The following UNC13A variants were observed in gnomAD, a reference collection of about 807,000 sequenced individuals.
The protein encoded by UNC13A is protein unc-13 homolog A.
A neutral mutation model predicts 219.7 loss-of-function variants in UNC13A; 61 were observed. The observed-to-expected ratio is 0.28, with a 90% CI of 0.23 to 0.34. The LOEUF is 0.34. Among genes scored for constraint, UNC13A ranks in the 10% least tolerant of loss-of-function variants. The pLI is 1.00. For missense variants in UNC13A, 1,476 were observed against 2,270.3 expected, an observed-to-expected ratio of 0.65 and a Z score of 7.11; for synonymous variants, 920 against 884.6, an observed-to-expected ratio of 1.04 and a Z score of -0.71.
chr19:17,638,968 A>T (rs931411495), intron 25 of UNC13A, 115 bp downstream of exon 25: 7 of 1,243,196 alleles, frequency 5.6e-6, no homozygotes, highest in Admixed American at 3.0e-5. Context: ...CCCATTTTAT[A>T]GAAGAAGATA....
Position 17,655,375 on chromosome 19 carries a change from G to A in UNC13A, c.1291C>T (p.Pro431Ser), listed in dbSNP as rs1210403486. 1 of 1,578,638 alleles carries A rather than the reference G, an allele frequency of 6.3e-7. No individual in the cohort carries two copies. Among genetic ancestry groups the A allele is most frequent in the Non-Finnish European group, 8.6e-7 (1 of 1,162,680 alleles). The stretch of plus-strand genomic sequence containing the variant: ...TCCTGGCCTTCCTCATCCTCTCTCG[G>A]CCTGAAACTGAGGCAGGGAACGCTA... ...EPPKDEESFR[P>S]REDEEGQEGQ... The change falls in exon 11 of 44, where the codon CCG becomes TCG. Residue 431 changes from proline to serine, a missense_variant. By Grantham distance (74) the Pro-to-Ser change is moderately conservative. Coordinates refer to ENST00000519716, the MANE Select transcript of UNC13A (RefSeq NM_001080421.3).
At chr19:17,673,412 T>G (rs10403209) in intron 3 of UNC13A, among the ~76,000 whole-genome samples, 13,792 of 141,556 alleles carry the variant, frequency 0.097, 2,185 homozygotes, top group African/African-American at 0.34. Context: ...TTGGCTGGGA[T>G]TGGTGGCTCC....
intron 42 of UNC13A, among the ~76,000 whole-genome samples, chr19:17,610,435 C>T (rs894517806): frequency 2.0e-5 from 3 of 152,100 alleles, no homozygotes. Context: ...CACTGCACTC[C>T]AGCCTGTGTG....
At chr19:17,659,470 T>G (rs538109488) in intron 8 of UNC13A, among the ~76,000 whole-genome samples, 124 of 150,734 alleles carry the variant, frequency 8.2e-4, no homozygotes, top group African/African-American at 2.9e-3. Context: ...AAAAGTAAAG[T>G]AAAACCTAGT....
intron 38 of UNC13A, among the ~76,000 whole-genome samples, chr19:17,620,474 A>G (rs1202034821): frequency 6.6e-6 from 1 of 152,042 alleles, no homozygotes; most frequent in Admixed American, 6.6e-5. Context: ...GTAGTCTGGC[A>G]GGGCTCAGGG....
intron 35 of UNC13A, among the ~76,000 whole-genome samples, chr19:17,623,870 C>A (rs2076755582): frequency 6.6e-6 from 1 of 152,174 alleles, no homozygotes; most frequent in Admixed American, 6.5e-5. Context: ...CCAGCTACAT[C>A]CCTCTACAGA....
intron 41 of UNC13A, 108 bp downstream of exon 41, chr19:17,617,594 G>GC (rs1242719131): frequency 9.6e-5 from 142 of 1,482,158 alleles, no homozygotes; most frequent in Middle Eastern, 2.2e-4. Flanking sequence ...TGTCAATTCC[G>GC]CCCCATCCAT....
chr19:17,611,434 T>C (rs1488976756), intron 42 of UNC13A, among the ~76,000 whole-genome samples: 1 of 152,208 alleles, frequency 6.6e-6, no homozygotes, highest in Non-Finnish European at 1.5e-5. Context: ...AGCTTTGGCC[T>C]CCCAAAGTGC....
At chr19:17,656,852 CAAAAAAAAA>C (rs59091574) in intron 9 of UNC13A, among the ~76,000 whole-genome samples, 10 of 102,192 alleles carry the variant, frequency 9.8e-5, no homozygotes, top group East Asian at 8.7e-4. Context: ...AATTCCGTCT[CAAAAAAAAA>C]AAAAAAAAAA....
Position 17,636,107 on chromosome 19 carries a change from G to A in UNC13A, c.3132C>T (p.Asn1044=), listed in dbSNP as rs1404258728. Residue 1044 remains asparagine (N), a synonymous_variant, in exon 26 of 44, where the codon AAC becomes AAT. Transcript: ENST00000519716. The stretch of plus-strand genomic sequence containing the variant: ...TAATCAGCTTGGACCAGAAGTCGAG[G>A]TTCTTGATGCTGGGCCCCTGTTCCT... The part of the protein sequence containing the change: ...LPEEQGPSIK[N]LDFWSKLITL... The A allele has an allele frequency of 6.2e-7, 1 of 1,609,312 alleles. No individual in the cohort carries two copies. Among genetic ancestry groups the A allele is most frequent in the South Asian group, 1.1e-5 (1 of 89,952 alleles).
chr19:17,637,086 T>C (rs144270120), intron 25 of UNC13A, among the ~76,000 whole-genome samples: 2,743 of 151,376 alleles, frequency 0.018, 98 homozygotes, highest in African/African-American at 0.063. Context: ...AAGTGATCCT[T>C]CCACCTCAGC....
chr19:17,606,398 T>C (rs1199946174), intron 43 of UNC13A, 44 bp from the exon 44 acceptor site: 3 of 1,528,430 alleles, frequency 2.0e-6, no homozygotes, highest in South Asian at 1.2e-5. Flanking sequence ...ACACCTACTG[T>C]GATGCCCCGC....
chr19:17,631,386 A>T (rs990265679), intron 28 of UNC13A, among the ~76,000 whole-genome samples: 8 of 150,888 alleles, frequency 5.3e-5, no homozygotes, highest in African/African-American at 1.9e-4. Context: ...ATGCCCGGCT[A>T]ATTTTTTTTT....
chr19:17,631,001 C>T (rs955201508), intron 28 of UNC13A, among the ~76,000 whole-genome samples: 1 of 151,398 alleles, frequency 6.6e-6, no homozygotes, highest in African/African-American at 2.5e-5. Flanking sequence ...TTCAGATAAG[C>T]TGCCCATGGC....
intron 29 of UNC13A, 81 bp downstream of exon 29, chr19:17,630,573 G>T: frequency 6.9e-7 from 1 of 1,443,998 alleles, no homozygotes; most frequent in Non-Finnish European, 9.7e-7. Flanking sequence ...CCAGAGACTG[G>T]CCTCATCTCA....
chr19:17,656,251 G>A lies in UNC13A; in HGVS notation c.915C>T (p.His305=). The A allele has an allele frequency of 6.4e-7, 1 of 1,551,922 alleles. No individual in the cohort carries two copies. ...AGTCTTTGTGGTAGCTGACCGAGCTGTGGCAGGAGTGGTAGGAGTCCCGGT... is the reference window on the plus strand; with the variant it reads ...AGTCTTTGTGGTAGCTGACCGAGCTATGGCAGGAGTGGTAGGAGTCCCGGT... ...ERDRDSYHSC[H]SSVSYHKDSP... is the part of the protein sequence containing the mutation. The change falls in exon 10 of 44, where the codon CAC becomes CAT. Residue 305 remains histidine, a synonymous_variant. Transcript: ENST00000519716.
intron 6 of UNC13A, among the ~76,000 whole-genome samples, chr19:17,666,918 G>A (rs142241841): frequency 2.0e-4 from 5 of 25,342 alleles, no homozygotes; most frequent in Admixed American, 1.4e-3. Context: ...GAGAAAGACA[G>A]AGACAGAGAC....
chr19:17,674,510 G>C lies in UNC13A; in HGVS notation c.152+147C>G, dbSNP rs2079858416. On this transcript the variant is annotated intron_variant, in intron 3 of 43. Transcript: ENST00000519716. This position sits in a 1 kb window ranked among gnomAD's most constrained non-coding sequence, Gnocchi z 5.0. ...GTGATTGGATTGGGGATGTGTTTTG[G>C]AGGTGAAGGTGATAAGGTGGACAGG... 1.2e-5 allele frequency: 8 copies of C among 661,510 alleles called. No individual in the cohort carries two copies. In the South Asian group the frequency reaches 1.2e-4, roughly 10 times the overall value. 41.0% of individuals were successfully genotyped at this position (661,510 alleles called of 1,614,324 possible).
At chr19:17,646,260 GT>G (rs1171602419) in intron 17 of UNC13A, 149 bp from the exon 18 acceptor site, 1 of 910,554 alleles carries the variant, frequency 1.1e-6, no homozygotes, top group Non-Finnish European at 1.6e-6. Context: ...TGCCAGAGAG[GT>G]TTTTTGTGTG....
Sources: gnomAD v4.1 joint callset for allele counts (sites outside exome capture counted in the v4.1 genomes callset) on GRCh38, gnomAD v4.1.1 for gene constraint, Gnocchi (gnomAD v3.1) non-coding constraint, MANE v1.5 for transcripts, NCBI Gene and HGNC (gene_info 2026-07-23, HGNC 2026-07-21) for gene names.